Variants in KIF21A observed in about 807,000 individuals in gnomAD.
The protein encoded by KIF21A is kinesin family member 21A.
A neutral mutation model predicts 202.9 loss-of-function variants in KIF21A; 114 were observed. The ratio of observed to expected loss-of-function variants is 0.56; its 90% CI spans 0.48 to 0.66. KIF21A has a LOEUF of 0.66. Among genes scored for constraint, KIF21A ranks in the 30% least tolerant of loss-of-function variants. The pLI is 0.00. For synonymous variants in KIF21A, 667 were observed against 670.8 expected (o/e 0.99, Z 0.09); for missense variants, 1,677 against 1,994.9 (o/e 0.84, Z 3.04).
At position 39,319,901 on chromosome 12, in the gene KIF21A, C is replaced by T. The variant is rs748036745; in HGVS notation, c.3779+5G>A. ...TCTAGCAGGTAAAAAACATTAGTCA[C>T]TTACTGCTTTTGTTCCTTGGCCTTT... On this transcript the variant is annotated splice_donor_5th_base_variant and intron_variant, in intron 28 of 37. Coordinates refer to ENST00000361418, the MANE Select transcript of KIF21A (RefSeq NM_001173464.2). 37 of 1,543,404 alleles carry T rather than the reference C, an allele frequency of 2.4e-5. No individual in the cohort carries two copies. Among genetic ancestry groups the T allele is most frequent in the Non-Finnish European group, 2.8e-5 (31 of 1,118,652 alleles).
At chr12:39,364,009 C>T (rs1053586512) in intron 6 of KIF21A, among the ~76,000 whole-genome samples, 1 of 152,150 alleles carries the variant, frequency 6.6e-6, no homozygotes, top group African/African-American at 2.4e-5. Flanking sequence ...CAGAGTGAGA[C>T]CCCGCCTCAA....
At position 39,315,197 on chromosome 12, in the gene KIF21A, G is replaced by A. The variant is rs370187274; in HGVS notation, c.3959+32C>T. 42 of 1,603,272 alleles carry A rather than the reference G, an allele frequency of 2.6e-5. No homozygotes were observed. The African/African-American group carries it at 5.2e-4, about 20-fold the overall frequency. ...TGTAAGGTCTTTTGATACTGGAAATGAAATTAATTTCCTCTCCCTTCCCCT... is the reference window on the plus strand; with the variant it reads ...TGTAAGGTCTTTTGATACTGGAAATAAAATTAATTTCCTCTCCCTTCCCCT... On this transcript the variant is annotated intron_variant, in intron 31 of 37. Coordinates refer to ENST00000361418, the MANE Select transcript of KIF21A (RefSeq NM_001173464.2).
intron 13 of KIF21A, 105 bp downstream of exon 13, chr12:39,341,929 A>G: frequency 1.3e-6 from 1 of 791,366 alleles, no homozygotes; most frequent in South Asian, 1.4e-5. Flanking sequence ...AACAGAATGC[A>G]TCATAAGCAG....
At chr12:39,431,625 A>G (rs1014596596) in intron 1 of KIF21A, among the ~76,000 whole-genome samples, 11 of 152,212 alleles carry the variant, frequency 7.2e-5, no homozygotes, top group Admixed American at 2.0e-4. Flanking sequence ...GAAGAACGTC[A>G]TCTGAAAAAA....
intron 27 of KIF21A, 86 bp from the exon 28 acceptor site, chr12:39,320,099 G>A (rs1030331222): frequency 4.1e-6 from 3 of 732,908 alleles, no homozygotes; most frequent in Non-Finnish European, 4.7e-6. Flanking sequence ...ATTTGTAATA[G>A]GTTAATAACT....
chr12:39,381,298 C>G lies in KIF21A; in HGVS notation c.45-11037G>C, dbSNP rs535251408. 9.8e-5 allele frequency among the ~76,000 whole-genome samples: 14 copies of G among 142,168 alleles called. No individual in the cohort carries two copies. The South Asian group carries it at 3.1e-3, about 32-fold the overall frequency. 93.3% of individuals were successfully genotyped at this position (142,168 alleles called of 152,430 possible). ...CTCCAGCCTGGGCAACTGAGCGAGA[C>G]TCTGTCTCAAAAAAAAAAAAAAAAA... is the stretch of plus-strand genomic sequence containing the variant. On this transcript the variant is annotated intron_variant, in intron 1 of 37. Coordinates refer to ENST00000361418, the MANE Select transcript of KIF21A (RefSeq NM_001173464.2).
At chr12:39,378,308 C>G (rs1420183651) in intron 1 of KIF21A, among the ~76,000 whole-genome samples, 1 of 152,156 alleles carries the variant, frequency 6.6e-6, no homozygotes, top group African/African-American at 2.4e-5. Context: ...AAGGGGGTAA[C>G]ATTGTGCCAC....
At chr12:39,322,275 C>G (rs1945355180) in intron 27 of KIF21A, 2 of 161,654 alleles carry the variant, frequency 1.2e-5, no homozygotes, top group Admixed American at 1.2e-4. Context: ...ACTCTTAAAA[C>G]TAGGATATAG....
chr12:39,415,397 G>A (rs1953489211), intron 1 of KIF21A, among the ~76,000 whole-genome samples: 2 of 151,640 alleles, frequency 1.3e-5, no homozygotes, highest in South Asian at 4.2e-4. Flanking sequence ...CCGCCACCAC[G>A]CCCGGCTAAT....
chr12:39,388,398 A>C (rs1197323956), intron 1 of KIF21A, among the ~76,000 whole-genome samples: 6 of 152,146 alleles, frequency 3.9e-5, no homozygotes, highest in Admixed American at 3.9e-4. Context: ...TGACCAAATA[A>C]ATCTCTTTTC....
chr12:39,429,313 T>A lies in KIF21A; in HGVS notation c.44+13614A>T, dbSNP rs1223527297. Among the ~76,000 whole-genome samples the A allele has an allele frequency of 7.2e-5, 11 of 152,276 alleles. No individual in the cohort carries two copies. The East Asian group carries it at 2.1e-3, about 29-fold the overall frequency. On this transcript the variant is annotated intron_variant, in intron 1 of 37. Transcript: ENST00000361418. The stretch of plus-strand genomic sequence containing the variant: ...AACTGCTCTAGGGGGTTTAATCATC[T>A]CAGTCTTAACTTTCACAACTCAACA...
chr12:39,428,053 T>C (rs1954900966), intron 1 of KIF21A, among the ~76,000 whole-genome samples: 1 of 152,214 alleles, frequency 6.6e-6, no homozygotes, highest in African/African-American at 2.4e-5. Flanking sequence ...CTGTGCAGTA[T>C]GGGTAGGGAT....
chr12:39,437,254 A>G (rs1057053536), intron 1 of KIF21A, among the ~76,000 whole-genome samples: 10 of 152,208 alleles, frequency 6.6e-5, no homozygotes, highest in African/African-American at 2.4e-4. Context: ...CAAAATATTA[A>G]CCAATTAGCA....
rs778227934 is a variant in KIF21A, at chr12:39,301,688, A to G, written c.4732-9T>C. 2 of 1,613,038 alleles carry G rather than the reference A, an allele frequency of 1.2e-6. No homozygotes were observed. The highest frequency in any genetic ancestry group is 1.7e-6 in the Non-Finnish European group (2 of 1,179,046). On this transcript the variant is annotated splice_polypyrimidine_tract_variant and intron_variant, in intron 36 of 37. Transcript: ENST00000361418. Reference sequence around the variant, plus strand: ...TGTGCATTTGGAACTTGCTAAAAGAAAAAAAGTGAAATCAGCAGCTTAAGG... The same window carrying G: ...TGTGCATTTGGAACTTGCTAAAAGAGAAAAAGTGAAATCAGCAGCTTAAGG...
intron 1 of KIF21A, among the ~76,000 whole-genome samples, chr12:39,419,897 C>T (rs1226999122): frequency 6.6e-6 from 1 of 151,968 alleles, no homozygotes; most frequent in Non-Finnish European, 1.5e-5. Context: ...AGAACTCAAG[C>T]ACATCCCATC....
chr12:39,325,337 T>A (rs1945749237), intron 26 of KIF21A, among the ~76,000 whole-genome samples: 1 of 151,082 alleles, frequency 6.6e-6, no homozygotes, highest in Non-Finnish European at 1.5e-5. Flanking sequence ...AGGAGAATTT[T>A]TTTTTTTTTT....
intron 2 of KIF21A, 56 bp from the exon 3 acceptor site, chr12:39,369,967 C>T (rs766037585): frequency 8.3e-5 from 132 of 1,596,302 alleles, no homozygotes; most frequent in Non-Finnish European, 1.1e-4. Context: ...CCTTAAGAAA[C>T]AAAAATGAAA....
intron 1 of KIF21A, among the ~76,000 whole-genome samples, chr12:39,415,478 G>T (rs565069363): frequency 3.7e-4 from 57 of 152,120 alleles, no homozygotes; most frequent in Admixed American, 9.8e-4. Context: ...CTCAACTCGT[G>T]ATCTGCCCGC....
At chr12:39,434,541 G>C (rs748310042) in intron 1 of KIF21A, among the ~76,000 whole-genome samples, 2 of 152,108 alleles carry the variant, frequency 1.3e-5, no homozygotes, top group Non-Finnish European at 2.9e-5. Context: ...TCAAATCCAG[G>C]GGAGAATTAC....
Sources: gnomAD v4.1 joint callset for allele counts (sites outside exome capture counted in the v4.1 genomes callset) on GRCh38, gnomAD v4.1.1 for gene constraint, MANE v1.5 for transcripts, NCBI Gene and HGNC (gene_info 2026-07-23, HGNC 2026-07-21) for gene names.